ATP10B: variants seen among roughly 807,000 people sequenced by gnomAD.
ATP10B encodes phospholipid-transporting ATPase VB.
ATP10B carries 122 observed loss-of-function variants against 141.2 expected under a neutral mutation model. The observed-to-expected ratio is 0.86, with a 90% CI of 0.75 to 1.00. The LOEUF is 1.00. Ranked by LOEUF, ATP10B falls within the 50% of genes least tolerant of loss-of-function variation. The pLI is 0.00. For missense variants in ATP10B, 1,876 were observed against 1,825.3 expected (o/e 1.03, Z -0.51); for synonymous variants, 685 against 692.0 (o/e 0.99, Z 0.16).
the ATP10B span, among the ~76,000 whole-genome samples, chr5:160,928,613 A>C: frequency 6.6e-6 from 1 of 152,138 alleles, no homozygotes; most frequent in African/African-American, 2.4e-5. Context: ...ATGGGCTTGT[A>C]ATAATATATA....
rs577342570 is a variant in ATP10B at position 160,817,253 on chromosome 5, T to G, written c.-575-31450A>C. ...TGACATGATTGTATATCTAGAAAAC[T>G]CCATTGTCTCAGCCCAAAATCTCCT... On this transcript the variant is annotated intron_variant, in intron 1 of 25. Transcript: ENST00000327245. Among the ~76,000 whole-genome samples the G allele has an allele frequency of 7.0e-3, 1,063 of 152,212 alleles. 18 individuals carry two copies. The highest frequency in any genetic ancestry group is 0.024 in the African/African-American group (1,002 of 41,534).
chr5:160,863,690 T>G, the ATP10B span, among the ~76,000 whole-genome samples: 9 of 152,040 alleles, frequency 5.9e-5, no homozygotes, highest in African/African-American at 2.2e-4. Context: ...TAAATAAAAT[T>G]GGTAGACCAT....
chr5:160,828,481 G>A (rs185177475), intron 1 of ATP10B, among the ~76,000 whole-genome samples: 60 of 152,228 alleles, frequency 3.9e-4, no homozygotes, highest in Non-Finnish European at 7.6e-4. Flanking sequence ...AGCCATCAGA[G>A]AAATGCAAAT....
intron 2 of ATP10B, among the ~76,000 whole-genome samples, chr5:160,751,981 C>A (rs1336476799): frequency 6.6e-6 from 1 of 152,124 alleles, no homozygotes; most frequent in Admixed American, 6.5e-5. Context: ...GAGCGTACAT[C>A]CCCCTAATTG....
chr5:160,715,149 CGA>C (rs1008285260), intron 3 of ATP10B, among the ~76,000 whole-genome samples: 2 of 149,536 alleles, frequency 1.3e-5, no homozygotes, highest in Non-Finnish European at 3.0e-5. Flanking sequence ...CCACCAAGTT[CGA>C]GGTTCCCGGC....
intron 9 of ATP10B, among the ~76,000 whole-genome samples, chr5:160,643,430 A>G (rs1211896180): frequency 1.3e-5 from 2 of 152,206 alleles, no homozygotes; most frequent in Non-Finnish European, 2.9e-5. Context: ...TCAGGTGTTC[A>G]TGTAACAACA....
At chr5:160,786,770 A>G (rs1771183276) in intron 1 of ATP10B, among the ~76,000 whole-genome samples, 1 of 151,904 alleles carries the variant, frequency 6.6e-6, no homozygotes, top group Non-Finnish European at 1.5e-5. Flanking sequence ...ACACACACAT[A>G]CTCTATAAAA....
At chr5:160,607,610 C>T (rs1465958859) in intron 18 of ATP10B, among the ~76,000 whole-genome samples, 1 of 152,056 alleles carries the variant, frequency 6.6e-6, no homozygotes, top group Non-Finnish European at 1.5e-5. Flanking sequence ...GGCTTCCTAA[C>T]TGAAAAAAAT....
At chr5:160,652,931 A>T (rs1241328126) in intron 7 of ATP10B, among the ~76,000 whole-genome samples, 2 of 81,818 alleles carry the variant, frequency 2.4e-5, no homozygotes, top group Admixed American at 1.9e-4. Flanking sequence ...AATATATTAT[A>T]TATACATGTA....
the ATP10B span, among the ~76,000 whole-genome samples, chr5:160,927,455 T>C: frequency 6.6e-6 from 1 of 152,202 alleles, no homozygotes; most frequent in Non-Finnish European, 1.5e-5. Flanking sequence ...TAAATCCATG[T>C]GATGCCATTT....
chr5:160,588,621 T>C (rs1014478543), intron 24 of ATP10B, among the ~76,000 whole-genome samples: 1 of 152,178 alleles, frequency 6.6e-6, no homozygotes, highest in Non-Finnish European at 1.5e-5. Context: ...GTTCAAAACT[T>C]GCTTCTATCT....
At chr5:160,652,430 CTTATTTATTTATTTATTTATTTAT>C (rs70990738) in intron 7 of ATP10B, among the ~76,000 whole-genome samples, 1 of 129,666 alleles carries the variant, frequency 7.7e-6, no homozygotes, top group African/African-American at 3.0e-5. Flanking sequence ...TGTCAGGGTT[CTTATTTATTTATTTATTTATTTAT>C]TTATTTATTT....
intron 7 of ATP10B, among the ~76,000 whole-genome samples, chr5:160,666,152 T>C (rs993997316): frequency 6.6e-6 from 1 of 152,200 alleles, no homozygotes; most frequent in Middle Eastern, 3.2e-3. Flanking sequence ...TAAGTGTTTC[T>C]GGAAGCACTG....
intron 2 of ATP10B, among the ~76,000 whole-genome samples, chr5:160,767,645 C>CT (rs1554113841): frequency 4.5e-5 from 6 of 134,038 alleles, no homozygotes; most frequent in African/African-American, 1.5e-4. Context: ...ACCCCCCCCC[C>CT]CAAAATAACA....
chr5:160,773,915 A>G (rs532391054), intron 2 of ATP10B, among the ~76,000 whole-genome samples: 1 of 152,344 alleles, frequency 6.6e-6, no homozygotes, highest in East Asian at 1.9e-4. Flanking sequence ...CTACTTTACA[A>G]AAAACTAATA....
chr5:160,641,424 T>C (rs1030836207), intron 9 of ATP10B, among the ~76,000 whole-genome samples: 2 of 152,200 alleles, frequency 1.3e-5, no homozygotes, highest in Non-Finnish European at 2.9e-5. Flanking sequence ...AAGTTTTGCA[T>C]ACAATTTTGG....
At chr5:160,904,687 T>C in the ATP10B span, among the ~76,000 whole-genome samples, 3 of 152,218 alleles carry the variant, frequency 2.0e-5, no homozygotes, top group Non-Finnish European at 4.4e-5. Flanking sequence ...TATAATGTTC[T>C]GAAGAGCAGT....
rs539639547 is a variant in ATP10B, at chr5:160,684,050, TA to T, written c.470+2028del. ...TAATTCTTCAGATTTCAACTCACCC[TA>T]AAAAATATTGCATCTCTGTGCTTAA... is the stretch of plus-strand genomic sequence containing the variant. On this transcript the variant is annotated intron_variant, in intron 6 of 25. Coordinates refer to ENST00000327245, the MANE Select transcript of ATP10B (RefSeq NM_025153.3). Among the ~76,000 whole-genome samples the T allele has an allele frequency of 2.3e-3, 347 of 152,280 alleles. 1 individual carries two copies. Among genetic ancestry groups the T allele is most frequent in the African/African-American group, 8.1e-3 (338 of 41,548 alleles).
At chr5:160,771,342 C>A (rs77490022) in intron 2 of ATP10B, among the ~76,000 whole-genome samples, 8,700 of 152,262 alleles carry the variant, frequency 0.057, 595 homozygotes, top group Admixed American at 0.2. Context: ...AATACAGCAT[C>A]ATTAGCATCT....
Sources: allele counts gnomAD v4.1 joint callset (sites outside exome capture counted in the v4.1 genomes callset), GRCh38; gene constraint gnomAD v4.1.1; transcripts MANE v1.5; gene names NCBI Gene and HGNC (gene_info 2026-07-23, HGNC 2026-07-21).